COMMD1: variants seen among roughly 807,000 people sequenced by gnomAD.
COMMD1 encodes the protein COMM domain-containing protein 1.
Under a neutral mutation model 17.2 loss-of-function variants are expected in COMMD1, and 10 were observed. That is an observed-to-expected ratio of 0.58 (90% CI 0.36 to 0.99). The LOEUF is 0.99. Among genes scored for constraint, COMMD1 ranks in the 50% least tolerant of loss-of-function variants. The pLI is 0.01. For missense variants in COMMD1, 270 were observed against 231.8 expected, an observed-to-expected ratio of 1.17 and a Z score of -1.07; for synonymous variants, 97 against 91.6, an observed-to-expected ratio of 1.06 and a Z score of -0.34.
chr2:61,960,498 T>C (rs1327605786), intron 1 of COMMD1, among the ~76,000 whole-genome samples: 6 of 152,226 alleles, frequency 3.9e-5, no homozygotes, highest in Non-Finnish European at 8.8e-5. Flanking sequence ...CTAACTCTTT[T>C]ACCAGTTTGA....
At chr2:62,057,931 A>G (rs1413069453) in intron 2 of COMMD1, among the ~76,000 whole-genome samples, 1 of 151,854 alleles carries the variant, frequency 6.6e-6, no homozygotes, top group Non-Finnish European at 1.5e-5. Flanking sequence ...TTTTGTTTTT[A>G]TTTTTATTTT....
At chr2:61,985,435 G>A (rs1463035179) in intron 1 of COMMD1, among the ~76,000 whole-genome samples, 1 of 152,078 alleles carries the variant, frequency 6.6e-6, no homozygotes, top group African/African-American at 2.4e-5. Context: ...GCCACTCTGT[G>A]TCTTTTGATT....
At chr2:62,064,312 T>C (rs115046139) in intron 2 of COMMD1, among the ~76,000 whole-genome samples, 2,293 of 152,246 alleles carry the variant, frequency 0.015, 27 homozygotes, top group Non-Finnish European at 0.023. Flanking sequence ...TAGCAGGGAT[T>C]ACAGGTATGT....
chr2:62,126,098 A>G (rs1309435816), intron 2 of COMMD1, among the ~76,000 whole-genome samples: 1 of 152,076 alleles, frequency 6.6e-6, no homozygotes, highest in Non-Finnish European at 1.5e-5. Flanking sequence ...AAAGGACATG[A>G]TCTTATTCCT....
At chr2:61,899,356 C>T (rs189705460) in intron 1 of COMMD1, among the ~76,000 whole-genome samples, 13 of 152,240 alleles carry the variant, frequency 8.5e-5, no homozygotes, top group Non-Finnish European at 2.9e-5. Context: ...TTCCTTTAGC[C>T]TCCCCACATA....
intron 2 of COMMD1, among the ~76,000 whole-genome samples, chr2:62,110,165 C>G (rs964576377): frequency 1.3e-5 from 2 of 152,074 alleles, no homozygotes; most frequent in Non-Finnish European, 2.9e-5. Context: ...GCCTTGACCT[C>G]CTGGGGTTAG....
At chr2:61,965,294 C>G (rs948331463) in intron 1 of COMMD1, among the ~76,000 whole-genome samples, 1 of 152,034 alleles carries the variant, frequency 6.6e-6, no homozygotes, top group African/African-American at 2.4e-5. Context: ...TAAAATTTTT[C>G]TGAAATATTT....
At chr2:61,934,670 G>C (rs1670558103) in intron 1 of COMMD1, among the ~76,000 whole-genome samples, 1 of 152,210 alleles carries the variant, frequency 6.6e-6, no homozygotes, top group African/African-American at 2.4e-5. Flanking sequence ...ATTAAGAAAG[G>C]GATGTGAAAT....
chr2:61,960,830 C>T lies in COMMD1; in HGVS notation c.181-39871C>T, dbSNP rs150739901. 7.3e-3 allele frequency among the ~76,000 whole-genome samples: 1,112 copies of T among 152,318 alleles called. 51 individuals carry two copies. Among genetic ancestry groups the T allele is most frequent in the Admixed American group, 0.061 (937 of 15,298 alleles). ...CAGCCCCGCTGCCAGAAGTAGACCA[C>T]CAAGGAAGTAGTTTGTCACCCTTTG... is the stretch of plus-strand genomic sequence containing the variant. On this transcript the variant is annotated intron_variant, in intron 1 of 2. Transcript: ENST00000311832.
At chr2:61,907,631 T>G (rs1669805998) in intron 1 of COMMD1, among the ~76,000 whole-genome samples, 1 of 152,192 alleles carries the variant, frequency 6.6e-6, no homozygotes. Flanking sequence ...TTGATTCATT[T>G]GTTTTGTTAG....
intron 1 of COMMD1, among the ~76,000 whole-genome samples, chr2:61,962,420 G>C (rs1032988807): frequency 2.0e-5 from 3 of 152,160 alleles, no homozygotes; most frequent in Non-Finnish European, 2.9e-5. Flanking sequence ...CCAGGTGACT[G>C]ATAGTGAGCC....
chr2:62,110,501 T>C (rs1672428414), intron 2 of COMMD1, among the ~76,000 whole-genome samples: 1 of 152,230 alleles, frequency 6.6e-6, no homozygotes, highest in Admixed American at 6.5e-5. Context: ...CATTGACAAC[T>C]GACTGCCCCA....
chr2:61,906,760 A>G (rs1371983176), intron 1 of COMMD1, among the ~76,000 whole-genome samples: 1 of 152,192 alleles, frequency 6.6e-6, no homozygotes, highest in Non-Finnish European at 1.5e-5. Context: ...AAAAAACCTT[A>G]TATAGTGGAC....
chr2:62,075,169 A>G (rs547871758), intron 2 of COMMD1, among the ~76,000 whole-genome samples: 3 of 152,116 alleles, frequency 2.0e-5, no homozygotes, highest in Non-Finnish European at 4.4e-5. Flanking sequence ...GATTACAGGC[A>G]TAAGCCACCA....
chr2:61,975,781 A>G (rs1397884213), intron 1 of COMMD1, among the ~76,000 whole-genome samples: 1 of 152,156 alleles, frequency 6.6e-6, no homozygotes, highest in East Asian at 1.9e-4. Context: ...TTTTTCAGCC[A>G]TCTTTCTGTT....
At position 61,996,677 on chromosome 2, in the gene COMMD1, G is replaced by A. The variant is rs992580022; in HGVS notation, c.181-4024G>A. Among the ~76,000 whole-genome samples, 3 of 152,256 alleles carry A rather than the reference G, an allele frequency of 2.0e-5. No homozygotes were observed. The South Asian group carries it at 6.2e-4, about 32-fold the overall frequency. ...GTTCACAACATCTTTACTAGGACTA[G>A]ATACCAAGAAACCACTTTGTTTACT... On this transcript the variant is annotated intron_variant, in intron 1 of 2. Coordinates refer to ENST00000311832, the MANE Select transcript of COMMD1 (RefSeq NM_152516.4).
At chr2:62,074,452 C>A (rs766835817) in intron 2 of COMMD1, among the ~76,000 whole-genome samples, 1 of 152,158 alleles carries the variant, frequency 6.6e-6, no homozygotes, top group Admixed American at 6.5e-5. Flanking sequence ...ACTACCAGGG[C>A]CCACCATGAA....
intron 2 of COMMD1, among the ~76,000 whole-genome samples, chr2:62,032,871 A>G (rs1216257666): frequency 1.3e-5 from 2 of 152,142 alleles, no homozygotes; most frequent in Non-Finnish European, 2.9e-5. Flanking sequence ...TCCAGGTTCA[A>G]GCGATTCTCC....
intron 2 of COMMD1, among the ~76,000 whole-genome samples, chr2:62,010,500 T>C (rs1255661989): frequency 6.6e-6 from 1 of 152,142 alleles, no homozygotes; most frequent in Non-Finnish European, 1.5e-5. Flanking sequence ...AAACTGGATT[T>C]CTCCCCTAAA....
Sources: allele counts gnomAD v4.1 joint callset (sites outside exome capture counted in the v4.1 genomes callset), GRCh38; gene constraint gnomAD v4.1.1; transcripts MANE v1.5; gene names NCBI Gene and HGNC (gene_info 2026-07-23, HGNC 2026-07-21).